MMS19: variants seen among roughly 807,000 people sequenced by gnomAD.
MMS19 encodes MMS19 nucleotide excision repair protein homolog.
In MMS19, 77 loss-of-function variants were observed where a neutral mutation model predicts 129.8. The ratio of observed to expected loss-of-function variants is 0.59; its 90% CI spans 0.49 to 0.72. The LOEUF (loss-of-function observed/expected upper bound fraction) is 0.72. MMS19 is among the 30% of genes least tolerant of loss of function. MMS19 has a pLI of 0.00. For synonymous variants in MMS19, 491 were observed against 502.8 expected, an observed-to-expected ratio of 0.98 and a Z score of 0.31; for missense variants, 1,168 against 1,266.3, an observed-to-expected ratio of 0.92 and a Z score of 1.18.
chr10:97,476,876 A>T lies in MMS19; in HGVS notation c.581T>A (p.Phe194Tyr), dbSNP rs2035877879. The T allele has an allele frequency of 6.2e-7, 1 of 1,613,920 alleles. No homozygotes were observed. Among genetic ancestry groups the T allele is most frequent in the South Asian group, 1.1e-5 (1 of 91,088 alleles). ...GGAGATGAGGTCATGGACGATGCGG[A>T]AGGCCACCAGAAGATTACGGGGATC... ...EKDPRNLLVA[F>Y]RIVHDLISRD... The change falls in exon 7 of 31, where the codon TTC becomes TAC. Residue 194 changes from phenylalanine to tyrosine, a missense_variant. Transcript: ENST00000438925.
At chr10:97,465,656 T>A in intron 18 of MMS19, 149 bp downstream of exon 18, 1 of 761,590 alleles carries the variant, frequency 1.3e-6, no homozygotes, top group Admixed American at 2.9e-5. Flanking sequence ...CAGAGACTGA[T>A]TCAGTTGGAC....
chr10:97,497,464 A>G (rs2040004934), intron 1 of MMS19, among the ~76,000 whole-genome samples: 1 of 152,136 alleles, frequency 6.6e-6, no homozygotes, highest in Non-Finnish European at 1.5e-5. Flanking sequence ...AGATAATTTT[A>G]TATTGTTACT....
At chr10:97,479,138 C>T (rs140311427) in intron 3 of MMS19, among the ~76,000 whole-genome samples, 9 of 152,254 alleles carry the variant, frequency 5.9e-5, no homozygotes, top group Non-Finnish European at 8.8e-5. Flanking sequence ...TTCTCCCTTC[C>T]TTCTTGCCCC....
rs1401158639 is a variant in MMS19 at position 97,459,428 on chromosome 10, T to G, written c.2838A>C (p.Gln946His). 1 of 1,609,544 alleles carries G rather than the reference T, an allele frequency of 6.2e-7. No homozygotes were observed. ...GGGTGTCCACGTGAAGACTCATGAC[T>G]TGGGGTGCTTCCAGTAGAAGAGGCT... ...CLQPLLLEAP[Q>H]VMSLHVDTLV... Residue 946 changes from glutamine to histidine, a missense_variant, in exon 28 of 31, where the codon CAA becomes CAC. Physicochemically the swap from Gln to His is conservative, Grantham distance 24. Coordinates refer to ENST00000438925, the MANE Select transcript of MMS19 (RefSeq NM_022362.5).
rs534134760 is a variant in MMS19, at chr10:97,462,223, G to A, written c.2013-104C>T. 135 of 767,424 alleles carry A rather than the reference G, an allele frequency of 1.8e-4. 1 individual carries two copies. The highest frequency in any genetic ancestry group is 1.2e-3 in the African/African-American group (67 of 57,898). The allele number at this position is 767,424 out of a possible 1,614,324, so 47.5% of individuals were successfully genotyped here. On this transcript the variant is annotated intron_variant, in intron 20 of 30. Transcript: ENST00000438925. ...CTAGGGTTTGAATTAGGATCACCAC[G>A]TCAATGGGACATGCCCTGATCATTC...
intron 8 of MMS19, among the ~76,000 whole-genome samples, chr10:97,475,407 A>T (rs2035555800): frequency 1.3e-5 from 2 of 152,230 alleles, no homozygotes; most frequent in South Asian, 4.1e-4. Flanking sequence ...CATGTGAATG[A>T]ATTATCTTTT....
rs370977937 is a variant in MMS19 at position 97,498,255 on chromosome 10, C to G, written c.112+18G>C. On this transcript the variant is annotated intron_variant, in intron 1 of 30. Transcript: ENST00000438925. ...TGTTGGCCCCCATGCGGAAGGCGCG[C>G]GGCGCCGTCTGCCGTACCTGCAGCC... 6.5e-7 allele frequency: 1 copy of G among 1,537,600 alleles called. No homozygotes were observed. Among genetic ancestry groups the G allele is most frequent in the Admixed American group, 2.1e-5 (1 of 48,742 alleles).
chr10:97,470,329 G>T, intron 9 of MMS19, 126 bp from the exon 10 acceptor site: 1 of 705,370 alleles, frequency 1.4e-6, no homozygotes. Context: ...CTCAAGTCAG[G>T]AGCTATGAAT....
chr10:97,466,554 T>G lies in MMS19; in HGVS notation c.1455A>C (p.Ala485=), dbSNP rs2033540082. The change falls in exon 16 of 31, where the codon GCA becomes GCC. Residue 485 remains alanine, a synonymous_variant. Transcript: ENST00000438925. ...AGCTCAGTCTGTACAGGTGACCCAC[T>G]GCCAGCTCCAAGTCCTCATAAGATA... ...DLLSYEDLEL[A]VGHLYRLSFL... 1 of 1,613,848 alleles carries G rather than the reference T, an allele frequency of 6.2e-7. No homozygotes were observed. Among genetic ancestry groups the G allele is most frequent in the Non-Finnish European group, 8.5e-7 (1 of 1,179,762 alleles).
At chr10:97,478,063 G>C (rs2036090914) in intron 4 of MMS19, 134 bp from the exon 5 acceptor site, 1 of 675,190 alleles carries the variant, frequency 1.5e-6, no homozygotes, top group Admixed American at 2.9e-5. Context: ...CTAATAGTGA[G>C]ACTCTTTCTC....
chr10:97,470,770 C>A lies in MMS19; in HGVS notation c.771+5G>T, dbSNP rs1176489296. On this transcript the variant is annotated splice_donor_5th_base_variant and intron_variant, in intron 9 of 30. Transcript: ENST00000438925. ...GCTATATACCCTAACCTTGGCTAGA[C>A]CCACCTCAGCAAATCGTGGTGTAGA... 3.1e-6 allele frequency: 5 copies of A among 1,605,782 alleles called. No homozygotes were observed. In the Admixed American group the frequency reaches 5.0e-5, roughly 16 times the overall value.
intron 1 of MMS19, among the ~76,000 whole-genome samples, chr10:97,495,900 G>A (rs1194243241): frequency 6.6e-6 from 1 of 152,222 alleles, no homozygotes; most frequent in Non-Finnish European, 1.5e-5. Flanking sequence ...TCCAGCCTCA[G>A]CCTCCTGAGT....
At chr10:97,490,884 G>A (rs373525006) in intron 1 of MMS19, among the ~76,000 whole-genome samples, 6 of 152,182 alleles carry the variant, frequency 3.9e-5, no homozygotes, top group Non-Finnish European at 8.8e-5. Context: ...CAGCTCCTGA[G>A]AAAGAGCCAA....
chr10:97,476,958 T>G lies in MMS19; in HGVS notation c.499A>C (p.Lys167Gln), dbSNP rs749790108. The change falls in exon 7 of 31, where the codon AAG becomes CAG. Residue 167 changes from lysine to glutamine, a missense_variant. Lys to Gln is a moderately conservative substitution (Grantham distance 53). Around this residue, in one of 3 missense-constraint regions of MMS19, gnomAD observed 329 missense variants for 328.6 expected, o/e 1.00. Coordinates refer to ENST00000438925, the MANE Select transcript of MMS19 (RefSeq NM_022362.5). The part of the protein sequence containing the change: ...NFMRTREEEL[K>Q]SLGADFTFGF... ...AAGGTGAAGTCAGCTCCTAGGCTCT[T>G]TAGCTCTGGGAAGGAGAGAATAAGG... is the stretch of plus-strand genomic sequence containing the variant. 1 of 1,613,828 alleles carries G rather than the reference T, an allele frequency of 6.2e-7. No homozygotes were observed. Among genetic ancestry groups the G allele is most frequent in the Non-Finnish European group, 8.5e-7 (1 of 1,179,750 alleles).
chr10:97,479,252 C>T (rs2036313534), intron 3 of MMS19, among the ~76,000 whole-genome samples: 1 of 152,174 alleles, frequency 6.6e-6, no homozygotes, highest in Non-Finnish European at 1.5e-5. Flanking sequence ...TTCCTCCACT[C>T]ATTGGAGCCG....
chr10:97,466,250 C>T, intron 16 of MMS19, 91 bp from the exon 17 acceptor site: 1 of 1,013,248 alleles, frequency 9.9e-7, no homozygotes, highest in Non-Finnish European at 1.5e-6. Flanking sequence ...GGAGTGTGAG[C>T]TCCCAACGCC....
At chr10:97,459,090 A>G (rs1187949063) in intron 29 of MMS19, 133 bp downstream of exon 29, 3 of 1,027,300 alleles carry the variant, frequency 2.9e-6, no homozygotes, top group Non-Finnish European at 4.2e-6. Context: ...GCCCAGAATT[A>G]CAAGATCTGT....
At chr10:97,475,043 A>G (rs910529962) in intron 8 of MMS19, among the ~76,000 whole-genome samples, 2 of 152,260 alleles carry the variant, frequency 1.3e-5, no homozygotes, top group Non-Finnish European at 1.5e-5. Context: ...AGCACTGCTC[A>G]TAACAGCAAA....
At position 97,465,881 on chromosome 10, in the gene MMS19, T is replaced by C. The variant is rs1196942326; in HGVS notation, c.1680A>G (p.Ser560=). Residue 560 remains serine, a synonymous_variant, in exon 18 of 31, where the codon TCA becomes TCG. Transcript: ENST00000438925. ...CGATGCTGGGATGTGTTGATACAGC[T>C]GACAAGGCTTGCAGACAGCACAGAT... The part of the protein sequence containing the change: ...SRHLCCLQAL[S]AVSTHPSIVK... 6.2e-7 allele frequency: 1 copy of C among 1,613,866 alleles called. No homozygotes were observed. The highest frequency in any genetic ancestry group is 8.5e-7 in the Non-Finnish European group (1 of 1,179,892).
Sources: gnomAD v4.1 joint callset for allele counts (sites outside exome capture counted in the v4.1 genomes callset) on GRCh38, gnomAD v4.1.1 for gene constraint, gnomAD v4.1.1 regional missense constraint, MANE v1.5 for transcripts, NCBI Gene and HGNC (gene_info 2026-07-23, HGNC 2026-07-21) for gene names.